Variants in UNC13B observed in about 807,000 individuals in gnomAD.
UNC13B encodes the protein unc-13 homolog B, also known as protein unc-13 homolog B.
UNC13B carries 144 observed loss-of-function variants against 211.0 expected under a neutral mutation model. The ratio of observed to expected loss-of-function variants is 0.68; its 90% CI spans 0.60 to 0.78. The LOEUF is 0.78. Among genes scored for constraint, UNC13B ranks in the 30% least tolerant of loss-of-function variants. UNC13B has a pLI of 0.00. For synonymous variants in UNC13B, 709 were observed against 725.8 expected (o/e 0.98, Z 0.37); for missense variants, 1,777 against 2,002.0 (o/e 0.89, Z 2.14).
At position 35,377,087 on chromosome 9, in the gene UNC13B, C is replaced by T. The variant is rs771900968; in HGVS notation, c.9836-381C>T. Among the ~76,000 whole-genome samples the T allele has an allele frequency of 3.4e-4, 51 of 152,198 alleles. 1 individual carries two copies. The highest frequency in any genetic ancestry group is 2.5e-3 in the Admixed American group (38 of 15,278). On this transcript the variant is annotated intron_variant, in intron 15 of 39. Coordinates refer to ENST00000635942, the MANE Select transcript of UNC13B (RefSeq NM_001371189.2). ...TCTAGACCCACAAGTACTTCATTAT[C>T]CCAAGGACAGCTATGACATATAAAA...
chr9:35,206,773 C>T (rs1009452016), intron 1 of UNC13B, among the ~76,000 whole-genome samples: 8 of 150,980 alleles, frequency 5.3e-5, no homozygotes, highest in African/African-American at 1.9e-4. Flanking sequence ...ACTCGGGAGG[C>T]TGAAGCAGGG....
chr9:35,260,831 T>C (rs1214287709), intron 7 of UNC13B, among the ~76,000 whole-genome samples: 2 of 152,126 alleles, frequency 1.3e-5, no homozygotes, highest in Non-Finnish European at 2.9e-5. Flanking sequence ...TTAAACCTTT[T>C]TCCACGACTG....
At chr9:35,272,547 C>G (rs1827953737) in intron 7 of UNC13B, among the ~76,000 whole-genome samples, 1 of 152,110 alleles carries the variant, frequency 6.6e-6, no homozygotes, top group African/African-American at 2.4e-5. Context: ...CGTGAGCCAC[C>G]ACGCCCGGCC....
chr9:35,345,983 G>C (rs888515338), intron 11 of UNC13B, among the ~76,000 whole-genome samples: 1 of 152,158 alleles, frequency 6.6e-6, no homozygotes, highest in Admixed American at 6.5e-5. Flanking sequence ...TGCTGATGAG[G>C]ATGGATGGCA....
chr9:35,343,260 G>C (rs573971651), intron 11 of UNC13B, among the ~76,000 whole-genome samples: 35 of 152,286 alleles, frequency 2.3e-4, no homozygotes, highest in African/African-American at 8.2e-4. Flanking sequence ...GATAAAATAG[G>C]AATCATATAA....
intron 1 of UNC13B, among the ~76,000 whole-genome samples, chr9:35,194,186 C>T (rs752502056): frequency 2.4e-4 from 37 of 152,342 alleles, no homozygotes; most frequent in Non-Finnish European, 4.3e-4. Flanking sequence ...ATCTCAAAGA[C>T]GCCTTCCCTT....
intron 9 of UNC13B, among the ~76,000 whole-genome samples, chr9:35,309,648 C>T (rs1266372533): frequency 6.6e-6 from 1 of 152,176 alleles, no homozygotes; most frequent in African/African-American, 2.4e-5. Flanking sequence ...TATGGGAATA[C>T]AGGTGATTGA....
chr9:35,239,240 C>T (rs1275468112), intron 5 of UNC13B, among the ~76,000 whole-genome samples: 1 of 151,880 alleles, frequency 6.6e-6, no homozygotes, highest in Non-Finnish European at 1.5e-5. Context: ...TCCATTTTTC[C>T]TAAGTGTTGG....
chr9:35,380,635 C>T lies in UNC13B; in HGVS notation c.10371C>T (p.Asn3457=). 1.2e-6 allele frequency: 2 copies of T among 1,614,142 alleles called. No individual in the cohort carries two copies. The highest frequency in any genetic ancestry group is 1.7e-6 in the Non-Finnish European group (2 of 1,180,008). The change falls in exon 18 of 40, where the codon AAC becomes AAT. Residue 3457 remains asparagine (N), a synonymous_variant. Transcript: ENST00000635942. ...TLSGEMDVWY[N]LEKRTDKSAV... ...GTGGCGAGATGGACGTCTGGTACAA[C>T]TTGGGTGAGGAAACTGGACCCGAGA...
intron 7 of UNC13B, among the ~76,000 whole-genome samples, chr9:35,292,764 TTTC>T (rs1488025251): frequency 6.6e-6 from 1 of 152,222 alleles, no homozygotes; most frequent in Non-Finnish European, 1.5e-5. Flanking sequence ...ATTTTCCATC[TTTC>T]AAATAGACTT....
Position 35,303,150 on chromosome 9 carries a change from TA to T in UNC13B, c.3747del (p.Ile1249MetfsTer52), listed in dbSNP as rs1285923553. ...HVEKHETSSF[I>X]EASLLPKENI... Reference sequence around the variant, plus strand: ...GAAAAACATGAAACTTCTAGCTTCATAGAAGCCTCCTTATTACCTAAAGAAA... The same window carrying T: ...GAAAAACATGAAACTTCTAGCTTCATGAAGCCTCCTTATTACCTAAAGAAA... On this transcript the variant is annotated frameshift_variant, in exon 9 of 40. Coordinates refer to ENST00000635942, the MANE Select transcript of UNC13B (RefSeq NM_001371189.2). LOFTEE classifies it high-confidence loss of function. 2.5e-6 allele frequency: 1 copy of T among 398,626 alleles called. No homozygotes were observed. The highest frequency in any genetic ancestry group is 2.1e-5 in the African/African-American group (1 of 48,630). The allele number at this position is 398,626 out of a possible 1,614,324, so 24.7% of individuals were successfully genotyped here. A position where few individuals can be genotyped will look rare whatever the true frequency, so the allele number is the denominator to read the frequency against.
At chr9:35,363,734 A>G (rs1732399783) in intron 11 of UNC13B, among the ~76,000 whole-genome samples, 1 of 152,180 alleles carries the variant, frequency 6.6e-6, no homozygotes, top group South Asian at 2.1e-4. Context: ...AAGGCAATGT[A>G]GTCTCTGATG....
intron 11 of UNC13B, among the ~76,000 whole-genome samples, chr9:35,349,448 G>A (rs1832581289): frequency 1.3e-5 from 2 of 152,056 alleles, no homozygotes; most frequent in Non-Finnish European, 2.9e-5. Context: ...TTGGAGCGTG[G>A]TCTACCTAGG....
rs1833813959 is a variant in UNC13B, at chr9:35,366,991, A to G, written c.9459A>G (p.Glu3153=). 6.2e-7 allele frequency: 1 copy of G among 1,613,432 alleles called. No homozygotes were observed. The highest frequency in any genetic ancestry group is 8.5e-7 in the Non-Finnish European group (1 of 1,179,484). The change falls in exon 12 of 40, where the codon GAA becomes GAG. Residue 3153 remains glutamate, a splice_region_variant and synonymous_variant. Coordinates refer to ENST00000635942, the MANE Select transcript of UNC13B (RefSeq NM_001371189.2). ...CCTCTCTGCCTCAGTGGCTCCCGGA[A>G]GGGTAAGTAATTCACTGCAAGGTTT... ...GDPSLPQWLP[E]GPAGGLYGID...
intron 11 of UNC13B, among the ~76,000 whole-genome samples, chr9:35,341,223 C>A (rs1267895915): frequency 2.0e-5 from 3 of 152,206 alleles, no homozygotes; most frequent in Non-Finnish European, 4.4e-5. Flanking sequence ...TCTCAGCTCA[C>A]CTAACTTCCC....
At chr9:35,310,399 T>A in intron 9 of UNC13B, 68 bp from the exon 10 acceptor site, 1 of 1,502,932 alleles carries the variant, frequency 6.7e-7, no homozygotes, top group Non-Finnish European at 9.1e-7. Flanking sequence ...TTCCTGGATG[T>A]CTCCTTTCTT....
chr9:35,201,480 T>G (rs565527752), intron 1 of UNC13B, among the ~76,000 whole-genome samples: 90 of 152,314 alleles, frequency 5.9e-4, no homozygotes, highest in Middle Eastern at 6.8e-3. Context: ...TTTTTTTGGT[T>G]GGTAGGCTAT....
At chr9:35,367,584 A>G (rs754897982) in intron 12 of UNC13B, among the ~76,000 whole-genome samples, 2 of 152,218 alleles carry the variant, frequency 1.3e-5, no homozygotes. Context: ...TGTGCTATCA[A>G]TACTAGATCT....
chr9:35,293,212 C>G (rs1829180929), intron 7 of UNC13B, among the ~76,000 whole-genome samples: 1 of 152,104 alleles, frequency 6.6e-6, no homozygotes, highest in Non-Finnish European at 1.5e-5. Flanking sequence ...TAATATTTGC[C>G]CTTTATTTCT....
Sources: gnomAD v4.1 joint callset for allele counts (sites outside exome capture counted in the v4.1 genomes callset) on GRCh38, gnomAD v4.1.1 for gene constraint, MANE v1.5 for transcripts, NCBI Gene and HGNC (gene_info 2026-07-23, HGNC 2026-07-21) for gene names.